Variants in CSGALNACT1 observed in about 807,000 individuals in gnomAD.
The protein encoded by CSGALNACT1 is beta4GalNAcT-1.
In CSGALNACT1, 52 loss-of-function variants were observed where a neutral mutation model predicts 51.0. The observed-to-expected ratio is 1.02, with a 90% CI of 0.82 to 1.29. CSGALNACT1 has a LOEUF of 1.29. Among genes scored for constraint, CSGALNACT1 ranks in the 50% most tolerant of loss-of-function variants. CSGALNACT1 has a pLI of 0.00. For missense variants in CSGALNACT1, 935 were observed against 679.2 expected, an observed-to-expected ratio of 1.38 and a Z score of -4.19; for synonymous variants, 341 against 254.4, an observed-to-expected ratio of 1.34 and a Z score of -3.24.
At chr8:19,730,344 C>A (rs889181893) in intron 1 of CSGALNACT1, among the ~76,000 whole-genome samples, 1 of 152,074 alleles carries the variant, frequency 6.6e-6, no homozygotes, top group Admixed American at 6.6e-5. Context: ...TTTGAAAATG[C>A]GGCCACTAAC....
At chr8:19,620,004 C>T (rs1352197448) in intron 1 of CSGALNACT1, among the ~76,000 whole-genome samples, 2 of 152,154 alleles carry the variant, frequency 1.3e-5, no homozygotes, top group East Asian at 1.9e-4. Flanking sequence ...AAGAGATTAA[C>T]CAGGAAACTT....
chr8:19,608,661 C>A (rs529142222), intron 1 of CSGALNACT1, among the ~76,000 whole-genome samples: 1 of 152,168 alleles, frequency 6.6e-6, no homozygotes, highest in Non-Finnish European at 1.5e-5. Context: ...GTTTGAGATG[C>A]AGAATGAGTA....
intron 1 of CSGALNACT1, among the ~76,000 whole-genome samples, chr8:19,615,304 A>G (rs1347963438): frequency 2.0e-5 from 3 of 152,238 alleles, no homozygotes; most frequent in Non-Finnish European, 4.4e-5. Context: ...CTCCATCTCC[A>G]TCAATCAACT....
rs139121858 is a variant in CSGALNACT1 at position 19,694,983 on chromosome 8, G to C, written c.-297+62867C>G. Among the ~76,000 whole-genome samples the C allele has an allele frequency of 2.0e-3, 307 of 152,292 alleles. 1 individual carries two copies. The highest frequency in any genetic ancestry group is 7.2e-3 in the African/African-American group (300 of 41,560). On this transcript the variant is annotated intron_variant, in intron 1 of 1. Transcript: ENST00000517494. ...TTCCATTCAACAAGCCCCGGAGACAGATGCTGAGGGGTCATGAGGCAGCAC... is the reference window on the plus strand; with the variant it reads ...TTCCATTCAACAAGCCCCGGAGACACATGCTGAGGGGTCATGAGGCAGCAC...
intron 3 of CSGALNACT1, among the ~76,000 whole-genome samples, chr8:19,577,314 G>C (rs1265165918): frequency 2.0e-5 from 3 of 151,750 alleles, no homozygotes; most frequent in Admixed American, 2.0e-4. Flanking sequence ...TGTAATCCCA[G>C]CGCTTTGGGA....
intron 3 of CSGALNACT1, among the ~76,000 whole-genome samples, chr8:19,563,014 C>T (rs1394060261): frequency 1.3e-5 from 2 of 152,270 alleles, no homozygotes; most frequent in African/African-American, 2.4e-5. Context: ...ATAGCAAAGA[C>T]ATAGAATCAA....
intron 6 of CSGALNACT1, among the ~76,000 whole-genome samples, chr8:19,437,941 G>A (rs1285271530): frequency 1.3e-5 from 2 of 152,134 alleles, no homozygotes; most frequent in Non-Finnish European, 2.9e-5. Context: ...ACCTTGCCAG[G>A]TAATTTGATA....
chr8:19,449,327 G>A (rs1022615289), intron 5 of CSGALNACT1, among the ~76,000 whole-genome samples: 1 of 152,148 alleles, frequency 6.6e-6, no homozygotes, highest in African/African-American at 2.4e-5. Flanking sequence ...TTGCAGCTCT[G>A]TTGTACAAAG....
At chr8:19,665,273 C>T (rs1564379575) in intron 1 of CSGALNACT1, among the ~76,000 whole-genome samples, 2 of 152,128 alleles carry the variant, frequency 1.3e-5, no homozygotes, top group East Asian at 1.9e-4. Context: ...TCAAAATATA[C>T]TGATAGGTAA....
intron 4 of CSGALNACT1, among the ~76,000 whole-genome samples, chr8:19,475,828 C>T (rs1369983943): frequency 6.6e-6 from 1 of 152,130 alleles, no homozygotes; most frequent in Non-Finnish European, 1.5e-5. Flanking sequence ...AAGCAATGGC[C>T]TTACAGAGAC....
rs535232094 is a variant in CSGALNACT1 at position 19,582,086 on chromosome 8, T to C, written c.-297+9074A>G. ...GGACAAAAAATATATAATTTATAGA[T>C]AGACAGATTATATGTATCACCTTGC... On this transcript the variant is annotated intron_variant, in intron 3 of 9. Transcript: ENST00000454498. Among the ~76,000 whole-genome samples the C allele has an allele frequency of 8.5e-5, 13 of 152,328 alleles. No homozygotes were observed. In the South Asian group the frequency reaches 1.0e-3, roughly 12 times the overall value.
intron 1 of CSGALNACT1, among the ~76,000 whole-genome samples, chr8:19,705,289 A>G (rs1184947920): frequency 6.6e-6 from 1 of 152,256 alleles, no homozygotes; most frequent in Non-Finnish European, 1.5e-5. Flanking sequence ...ATTTATGCAA[A>G]GACTTACATC....
chr8:19,498,476 C>T (rs773462762), intron 4 of CSGALNACT1, among the ~76,000 whole-genome samples: 4 of 152,178 alleles, frequency 2.6e-5, no homozygotes, highest in South Asian at 2.1e-4. Flanking sequence ...ATGTGCAGGG[C>T]GCTCTTTGCC....
At chr8:19,752,837 G>A (rs2065125346) in intron 1 of CSGALNACT1, among the ~76,000 whole-genome samples, 1 of 152,170 alleles carries the variant, frequency 6.6e-6, no homozygotes, top group African/African-American at 2.4e-5. Flanking sequence ...AAAATTATCT[G>A]TGCAGCAAAG....
At chr8:19,724,812 T>C (rs755065050) in intron 1 of CSGALNACT1, among the ~76,000 whole-genome samples, 2 of 152,206 alleles carry the variant, frequency 1.3e-5, no homozygotes, top group Admixed American at 6.5e-5. Context: ...ATCCTCTGCG[T>C]GTTGTTGCCA....
chr8:19,473,563 C>A (rs1235872365), intron 4 of CSGALNACT1, among the ~76,000 whole-genome samples: 3 of 152,160 alleles, frequency 2.0e-5, no homozygotes, highest in Non-Finnish European at 4.4e-5. Flanking sequence ...TTTCTACCAC[C>A]TTAAATAAGA....
In CSGALNACT1 at chr8:19,717,798, A is replaced by G. The variant is rs1242764216; in HGVS notation, c.-297+40052T>C. 5.9e-5 allele frequency among the ~76,000 whole-genome samples: 9 copies of G among 152,124 alleles called. No individual in the cohort carries two copies. The South Asian group carries it at 1.9e-3, about 32-fold the overall frequency. ...GACTATTTTTAGTTTCTTGCACTGT[A>G]ACCCTAGTCTTGGCTAGGCTCAGGC... is the stretch of plus-strand genomic sequence containing the variant. On this transcript the variant is annotated intron_variant, in intron 1 of 1. Transcript: ENST00000517494.
chr8:19,662,485 T>G (rs1243890948), intron 1 of CSGALNACT1, among the ~76,000 whole-genome samples: 1 of 152,240 alleles, frequency 6.6e-6, no homozygotes, highest in Non-Finnish European at 1.5e-5. Flanking sequence ...GTTAAACTGT[T>G]AGGCTGATGT....
At chr8:19,565,299 G>A (rs1212729370) in intron 3 of CSGALNACT1, among the ~76,000 whole-genome samples, 1 of 152,112 alleles carries the variant, frequency 6.6e-6, no homozygotes, top group African/African-American at 2.4e-5. Flanking sequence ...AGTAAGTAAA[G>A]GTAAAATAAA....
Sources: allele counts gnomAD v4.1 joint callset (sites outside exome capture counted in the v4.1 genomes callset), GRCh38; gene constraint gnomAD v4.1.1; transcripts MANE v1.5; gene names NCBI Gene and HGNC (gene_info 2026-07-23, HGNC 2026-07-21).